The following ZNF526 variants were observed in gnomAD, a reference collection of about 807,000 sequenced individuals.
ZNF526 encodes zinc finger protein 526.
ZNF526 carries 16 observed loss-of-function variants against 32.4 expected under a neutral mutation model. That is an observed-to-expected ratio of 0.49 (90% CI 0.33 to 0.75). ZNF526 has a LOEUF of 0.75. Among genes scored for constraint, ZNF526 ranks in the 30% least tolerant of loss-of-function variants. The pLI is 0.02. For missense variants in ZNF526, 838 were observed against 920.7 expected, an observed-to-expected ratio of 0.91 and a Z score of 1.16; for synonymous variants, 355 against 363.4, an observed-to-expected ratio of 0.98 and a Z score of 0.26.
In ZNF526 at chr19:42,226,247, C is replaced by T. The variant is rs200931477; in HGVS notation, c.1844C>T (p.Pro615Leu). 13 of 1,613,526 alleles carry T rather than the reference C, an allele frequency of 8.1e-6. No homozygotes were observed. Among genetic ancestry groups the T allele is most frequent in the African/African-American group, 6.7e-5 (5 of 74,950 alleles). Reference sequence around the variant, plus strand: ...AGATCACCATCTCCTGCCCCACCCCCACCTCCAGAGCCTCAACAGACTATC... The same window carrying T: ...AGATCACCATCTCCTGCCCCACCCCTACCTCCAGAGCCTCAACAGACTATC... ...PPRSPSPAPP[P>L]PPEPQQTIMC... Residue 615 changes from proline to leucine, a missense_variant, in exon 3 of 3, where the codon CCA (proline) becomes CTA (leucine). Pro to Leu is a moderately conservative substitution (Grantham distance 98). Transcript: ENST00000301215.
chr19:42,226,837 C>G lies in ZNF526; in HGVS notation c.*421C>G. On this transcript the variant is annotated 3_prime_UTR_variant, in exon 3 of 3. Coordinates refer to ENST00000301215, the MANE Select transcript of ZNF526 (RefSeq NM_133444.3). The stretch of plus-strand genomic sequence containing the variant: ...TTGCCTTCCCTGGATTTTGGGCACC[C>G]AGGACTTTGCTCTGCCTGGTGGAGG... 3.2e-6 allele frequency: 1 copy of G among 310,354 alleles called. No homozygotes were observed. Among genetic ancestry groups the G allele is most frequent in the East Asian group, 8.7e-5 (1 of 11,558 alleles). 19.2% of individuals were successfully genotyped at this position (310,354 alleles called of 1,614,324 possible).
chr19:42,220,663 A>G (rs2036112846), intron 1 of ZNF526: 1 of 152,160 alleles, frequency 6.6e-6, no homozygotes, highest in African/African-American at 2.4e-5. Flanking sequence ...TAAAGCGGGA[A>G]AGTTGAATTT....
At chr19:42,223,650 A>G (rs2036143051) in intron 1 of ZNF526, among the ~76,000 whole-genome samples, 1 of 150,460 alleles carries the variant, frequency 6.6e-6, no homozygotes. Flanking sequence ...CAACAATAAC[A>G]ACAAAAAAAT....
At chr19:42,222,384 C>T (rs2036133345) in intron 1 of ZNF526, among the ~76,000 whole-genome samples, 1 of 152,160 alleles carries the variant, frequency 6.6e-6, no homozygotes, top group African/African-American at 2.4e-5. Context: ...CTGCGCCCGG[C>T]AATATGAGCA....
In ZNF526 at chr19:42,224,467, A is replaced by G; in HGVS notation, c.64A>G (p.Met22Val). Residue 22 changes from methionine (M) to valine (V), a missense_variant, in exon 3 of 3, where the codon ATG becomes GTG. By Grantham distance (21) the Met-to-Val change is conservative. Transcript: ENST00000301215. ...ACAGATGTCACCAGGGGCAGTGGAG[A>G]TGTCAACACCTATGTCGGCAGAGAT... ...PTQMSPGAVE[M>V]STPMSAEMME... The G allele has an allele frequency of 6.2e-7, 1 of 1,614,118 alleles. No individual in the cohort carries two copies. Among genetic ancestry groups the G allele is most frequent in the East Asian group, 2.2e-5 (1 of 44,878 alleles).
Position 42,226,451 on chromosome 19 carries a change from G to T in ZNF526, c.*35G>T. On this transcript the variant is annotated 3_prime_UTR_variant, in exon 3 of 3. Transcript: ENST00000301215. ...AAAGCAACAACAAAAGGGTTTGGTTGCAACAGCCAGTGTGGGTACCTCTGG... is the reference window on the plus strand; with the variant it reads ...AAAGCAACAACAAAAGGGTTTGGTTTCAACAGCCAGTGTGGGTACCTCTGG... 6.2e-7 allele frequency: 1 copy of T among 1,613,826 alleles called. No individual in the cohort carries two copies. Among genetic ancestry groups the T allele is most frequent in the East Asian group, 2.2e-5 (1 of 44,882 alleles).
Position 42,226,479 on chromosome 19 carries a change from A to G in ZNF526, c.*63A>G. On this transcript the variant is annotated 3_prime_UTR_variant, in exon 3 of 3. Coordinates refer to ENST00000301215, the MANE Select transcript of ZNF526 (RefSeq NM_133444.3). ...ACAGCCAGTGTGGGTACCTCTGGGG[A>G]GAGAGGACCTCCTCTGACAAACTGG... 1.2e-6 allele frequency: 2 copies of G among 1,609,042 alleles called. No individual in the cohort carries two copies. The highest frequency in any genetic ancestry group is 1.7e-4 in the Middle Eastern group (1 of 6,052).
chr19:42,226,103 T>G lies in ZNF526; in HGVS notation c.1700T>G (p.Leu567Arg). ...ARAPRLPITGLYNKSPYYCGT... is the reference protein window; with the variant it reads ...ARAPRLPITGRYNKSPYYCGT... Reference sequence around the variant, plus strand: ...GCCCCCCGCCTCCCCATCACTGGTCTCTACAACAAGAGTCCCTACTACTGC... The same window carrying G: ...GCCCCCCGCCTCCCCATCACTGGTCGCTACAACAAGAGTCCCTACTACTGC... Residue 567 changes from leucine (L) to arginine (R), a missense_variant, in exon 3 of 3, where the codon CTC becomes CGC. Coordinates refer to ENST00000301215, the MANE Select transcript of ZNF526 (RefSeq NM_133444.3). 1 of 1,606,100 alleles carries G rather than the reference T, an allele frequency of 6.2e-7. No homozygotes were observed. Among genetic ancestry groups the G allele is most frequent in the South Asian group, 1.1e-5 (1 of 91,086 alleles).
At position 42,225,272 on chromosome 19, in the gene ZNF526, A is replaced by C. The variant is rs768788891; in HGVS notation, c.869A>C (p.Gln290Pro). ...CAGCCCTCAGCAGGGGCTCGCCGGC[A>C]ACACCGGCGGACGGCTCACAGCCCG... ...QHQPSAGARR[Q>P]HRRTAHSPAS... The change falls in exon 3 of 3, where the codon CAA becomes CCA. Residue 290 changes from glutamine (Q) to proline (P), a missense_variant. Transcript: ENST00000301215. 1.2e-5 allele frequency: 20 copies of C among 1,613,222 alleles called. No homozygotes were observed. Among genetic ancestry groups the C allele is most frequent in the Non-Finnish European group, 1.6e-5 (19 of 1,179,568 alleles).
rs773722181 is a variant in ZNF526, at chr19:42,225,359, G to A, written c.956G>A (p.Arg319Gln). 65 of 1,613,800 alleles carry A rather than the reference G, an allele frequency of 4.0e-5. No individual in the cohort carries two copies. Among genetic ancestry groups the A allele is most frequent in the Non-Finnish European group, 3.1e-5 (37 of 1,179,990 alleles). ...QCQRSFSSAN[R>Q]LQAHGRAHVG... ...CAGCGCAGTTTCAGCTCCGCCAACC[G>A]GCTGCAGGCTCATGGGCGGGCCCAT... Residue 319 changes from arginine (R) to glutamine (Q), a missense_variant, in exon 3 of 3, where the codon CGG (arginine) becomes CAG (glutamine). Coordinates refer to ENST00000301215, the MANE Select transcript of ZNF526 (RefSeq NM_133444.3).
rs2036160986 is a variant in ZNF526, at chr19:42,225,090, T to C, written c.687T>C (p.Asn229=). The C allele has an allele frequency of 6.2e-7, 1 of 1,613,896 alleles. No homozygotes were observed. Among genetic ancestry groups the C allele is most frequent in the Non-Finnish European group, 8.5e-7 (1 of 1,179,962 alleles). Residue 229 remains asparagine (N), a synonymous_variant, in exon 3 of 3, where the codon AAT becomes AAC. Coordinates refer to ENST00000301215, the MANE Select transcript of ZNF526 (RefSeq NM_133444.3). ...HFDSLEKEER[N]GLEEEEEDDE... is the part of the protein sequence containing the mutation. Reference sequence around the variant, plus strand: ...ACTCCCTAGAGAAAGAGGAGCGCAATGGGTTGGAGGAGGAGGAAGAGGACG... The same window carrying C: ...ACTCCCTAGAGAAAGAGGAGCGCAACGGGTTGGAGGAGGAGGAAGAGGACG...
At position 42,224,481 on chromosome 19, in the gene ZNF526, G is replaced by A. The variant is rs775827458; in HGVS notation, c.78G>A (p.Met26Ile). Residue 26 changes from methionine (M) to isoleucine (I), a missense_variant, in exon 3 of 3, where the codon ATG becomes ATA. Coordinates refer to ENST00000301215, the MANE Select transcript of ZNF526 (RefSeq NM_133444.3). ...GGGCAGTGGAGATGTCAACACCTAT[G>A]TCGGCAGAGATGATGGAGATGTCAA... ...SPGAVEMSTP[M>I]SAEMMEMSTE... The A allele has an allele frequency of 6.2e-7, 1 of 1,614,222 alleles. No homozygotes were observed. The highest frequency in any genetic ancestry group is 1.1e-5 in the South Asian group (1 of 91,084).
intron 1 of ZNF526, among the ~76,000 whole-genome samples, chr19:42,223,999 A>G (rs1177854844): frequency 7.1e-6 from 1 of 140,758 alleles, no homozygotes; most frequent in Non-Finnish European, 1.5e-5. Context: ...ATATATATAT[A>G]TATACAAAAA....
Position 42,226,512 on chromosome 19 carries a change from C to T in ZNF526, c.*96C>T, listed in dbSNP as rs1054138285. ...CCTCCTCTGACAAACTGGTCTGGTA[C>T]CCACCATGTGCCAGGATCCACCCTG... On this transcript the variant is annotated 3_prime_UTR_variant, in exon 3 of 3. Coordinates refer to ENST00000301215, the MANE Select transcript of ZNF526 (RefSeq NM_133444.3). The T allele has an allele frequency of 2.3e-5, 36 of 1,556,242 alleles. No homozygotes were observed. Among genetic ancestry groups the T allele is most frequent in the African/African-American group, 5.4e-5 (4 of 73,790 alleles).
In ZNF526 at chr19:42,225,475, G is replaced by A; in HGVS notation, c.1072G>A (p.Ala358Thr). Reference protein sequence around the residue: ...EQHLRLHRGEARYLCVDCGRG... With the variant: ...EQHLRLHRGETRYLCVDCGRG... Reference sequence around the variant, plus strand: ...GCACTTGCGGCTGCATCGCGGGGAAGCCCGCTACCTCTGTGTAGACTGTGG... The same window carrying A: ...GCACTTGCGGCTGCATCGCGGGGAAACCCGCTACCTCTGTGTAGACTGTGG... Residue 358 changes from alanine to threonine, a missense_variant, in exon 3 of 3, where the codon GCC (alanine) becomes ACC (threonine). By Grantham distance (58) the Ala-to-Thr change is moderately conservative. Coordinates refer to ENST00000301215, the MANE Select transcript of ZNF526 (RefSeq NM_133444.3). 1 of 1,614,114 alleles carries A rather than the reference G, an allele frequency of 6.2e-7. No homozygotes were observed.
At position 42,223,113 on chromosome 19, in the gene ZNF526, T is replaced by C. The variant is rs901977597; in HGVS notation, c.-108-1102T>C. ...ACTTGGGTGTATCTGTGTGTGTATA[T>C]GTAAGAGGCAGAGGAAAAGCATTGC... is the stretch of plus-strand genomic sequence containing the variant. On this transcript the variant is annotated intron_variant, in intron 1 of 2. Coordinates refer to ENST00000301215, the MANE Select transcript of ZNF526 (RefSeq NM_133444.3). Among the ~76,000 whole-genome samples the C allele has an allele frequency of 3.3e-5, 5 of 152,156 alleles. No homozygotes were observed. The East Asian group carries it at 9.6e-4, about 29-fold the overall frequency.
Position 42,226,280 on chromosome 19 carries a change from C to T in ZNF526, c.1877C>T (p.Thr626Ile). Residue 626 changes from threonine to isoleucine, a missense_variant, in exon 3 of 3, where the codon ACA becomes ATA. Thr to Ile is a moderately conservative substitution (Grantham distance 89, BLOSUM62 -1). Transcript: ENST00000301215. ...GAGCCTCAACAGACTATCATGTGCACAGAGCTGGGGGAGACCATCGCCATC... is the reference window on the plus strand; with the variant it reads ...GAGCCTCAACAGACTATCATGTGCATAGAGCTGGGGGAGACCATCGCCATC... ...PPEPQQTIMCTELGETIAIIE... is the reference protein window; with the variant it reads ...PPEPQQTIMCIELGETIAIIE... 6.2e-7 allele frequency: 1 copy of T among 1,614,146 alleles called. No homozygotes were observed. The highest frequency in any genetic ancestry group is 8.5e-7 in the Non-Finnish European group (1 of 1,180,048).
Position 42,225,875 on chromosome 19 carries a change from T to A in ZNF526, c.1472T>A (p.Leu491Gln). The change falls in exon 3 of 3, where the codon CTG (leucine) becomes CAG (glutamine). Residue 491 changes from leucine (L) to glutamine (Q), a missense_variant. Physicochemically the swap from Leu to Gln is moderately radical, Grantham distance 113. Transcript: ENST00000301215. ...AAGCTGATCCACGTGCGCAACCACC[T>A]GCGGACACACACGGGTGAGAGGCCC... Reference protein sequence around the residue: ...FKKLIHVRNHLRTHTGERPFQ... With the variant: ...FKKLIHVRNHQRTHTGERPFQ... 1 of 1,614,184 alleles carries A rather than the reference T, an allele frequency of 6.2e-7. No homozygotes were observed. Among genetic ancestry groups the A allele is most frequent in the Non-Finnish European group, 8.5e-7 (1 of 1,180,036 alleles).
chr19:42,224,387 G>A lies in ZNF526; in HGVS notation c.-17G>A. On this transcript the variant is annotated splice_region_variant and 5_prime_UTR_variant, in exon 3 of 3. Transcript: ENST00000301215. ...CTGGCTCCTGCCCCTCTTTCTCCAGGCACTGCCTTCCCCACAATGGCAGAG... is the reference window on the plus strand; with the variant it reads ...CTGGCTCCTGCCCCTCTTTCTCCAGACACTGCCTTCCCCACAATGGCAGAG... The A allele has an allele frequency of 6.2e-7, 1 of 1,613,134 alleles. No individual in the cohort carries two copies. The highest frequency in any genetic ancestry group is 8.5e-7 in the Non-Finnish European group (1 of 1,179,206).
Sources: gnomAD v4.1 joint callset for allele counts (sites outside exome capture counted in the v4.1 genomes callset) on GRCh38, gnomAD v4.1.1 for gene constraint, MANE v1.5 for transcripts, NCBI Gene and HGNC (gene_info 2026-07-23, HGNC 2026-07-21) for gene names.